Variants in AGPAT5 observed in about 807,000 individuals in gnomAD.
The protein encoded by AGPAT5 is 1-acylglycerol-3-phosphate O-acyltransferase 5.
AGPAT5 carries 46 observed loss-of-function variants against 45.6 expected under a neutral mutation model. The ratio of observed to expected loss-of-function variants is 1.01; its 90% CI spans 0.80 to 1.29. The LOEUF (loss-of-function observed/expected upper bound fraction) is 1.29. Among genes scored for constraint, AGPAT5 ranks in the 50% most tolerant of loss-of-function variants. The probability of loss-of-function intolerance (pLI) is 0.00; values close to 1 mark genes in which losing one functional copy is unlikely to be tolerated. For synonymous variants in AGPAT5, 272 were observed against 167.0 expected (o/e 1.63, Z -4.85); for missense variants, 673 against 450.7 (o/e 1.49, Z -4.47).
chr8:6,712,758 C>T (rs1015761170), intron 1 of AGPAT5, among the ~76,000 whole-genome samples: 2 of 152,060 alleles, frequency 1.3e-5, no homozygotes, highest in African/African-American at 2.4e-5. Flanking sequence ...TAGATATATC[C>T]TAAATGTTGA....
At chr8:6,740,106 A>G (rs80060581) in intron 4 of AGPAT5, among the ~76,000 whole-genome samples, 4,098 of 152,242 alleles carry the variant, frequency 0.027, 120 homozygotes, top group African/African-American at 0.068. Context: ...TTAGCTGTGA[A>G]TGAATTCATG....
intron 2 of AGPAT5, among the ~76,000 whole-genome samples, chr8:6,727,531 A>G (rs2116887767): frequency 6.6e-6 from 1 of 151,946 alleles, no homozygotes; most frequent in East Asian, 1.9e-4. Context: ...ACAGACATGC[A>G]CCACCACGCC....
intron 4 of AGPAT5, chr8:6,738,558 C>G (rs1431490148): frequency 2.0e-5 from 3 of 152,108 alleles, no homozygotes; most frequent in African/African-American, 7.2e-5. Context: ...GAGGTGAGCA[C>G]ATACTGTTGG....
intron 1 of AGPAT5, among the ~76,000 whole-genome samples, chr8:6,710,458 T>C (rs1191125257): frequency 6.6e-6 from 1 of 152,260 alleles, no homozygotes; most frequent in Non-Finnish European, 1.5e-5. Context: ...TAATTCAAAA[T>C]TTTGTTTAAT....
At chr8:6,726,771 C>A (rs753669631) in intron 2 of AGPAT5, among the ~76,000 whole-genome samples, 11 of 152,176 alleles carry the variant, frequency 7.2e-5, no homozygotes, top group African/African-American at 2.7e-4. Flanking sequence ...CTTCACCCTA[C>A]CTCCGAGTGC....
At chr8:6,721,877 A>C (rs934196755) in intron 1 of AGPAT5, among the ~76,000 whole-genome samples, 1 of 152,114 alleles carries the variant, frequency 6.6e-6, no homozygotes, top group African/African-American at 2.4e-5. Context: ...TATTTTAAAG[A>C]GACAGGGGTC....
intron 4 of AGPAT5, among the ~76,000 whole-genome samples, chr8:6,738,850 T>C (rs961952963): frequency 7.2e-5 from 11 of 152,306 alleles, no homozygotes; most frequent in African/African-American, 2.2e-4. Flanking sequence ...TTTTTTTCTC[T>C]CATAATTTCC....
At chr8:6,754,982 C>T (rs1801784158) in intron 6 of AGPAT5, 69 bp from the exon 7 acceptor site, 2 of 1,294,196 alleles carry the variant, frequency 1.5e-6, no homozygotes, top group Non-Finnish European at 2.0e-6. Flanking sequence ...ACCTTATTTT[C>T]ATTTTTACTT....
chr8:6,728,646 C>G (rs1394610940), intron 2 of AGPAT5, among the ~76,000 whole-genome samples: 1 of 151,690 alleles, frequency 6.6e-6, no homozygotes, highest in African/African-American at 2.4e-5. Flanking sequence ...AAAATTATTG[C>G]AGGAAAAAAT....
In AGPAT5 at chr8:6,745,975, C is replaced by G. The variant is rs147172102; in HGVS notation, c.587-1695C>G. ...CTTTCTTCCTTCTTTCTTTCGCTCT[C>G]TCTCCCTTCCTTCTTTTCTTTCCCT... On this transcript the variant is annotated intron_variant, in intron 5 of 7. Transcript: ENST00000285518. The G allele has an allele frequency of 3.8e-3, 578 of 151,370 alleles. 5 individuals are homozygous for G. The highest frequency in any genetic ancestry group is 2.7e-3 in the East Asian group (14 of 5,134). The allele number at this position is 151,370 out of a possible 1,614,324, so 9.4% of individuals were successfully genotyped here. A position where few individuals can be genotyped will look rare whatever the true frequency, so the allele number is the denominator to read the frequency against.
Position 6,708,858 on chromosome 8 carries a change from T to C in AGPAT5, c.190T>C (p.Phe64Leu). 2 of 1,609,046 alleles carry C rather than the reference T, an allele frequency of 1.2e-6. No homozygotes were observed. Among genetic ancestry groups the C allele is most frequent in the Non-Finnish European group, 1.7e-6 (2 of 1,178,146 alleles). ...CTGCGTCTACCAGAGCATGGTGCTC[T>C]TCTTCTTCGAGAATTACACCGGGGT... ...LYCVYQSMVL[F>L]FFENYTGVQI... Residue 64 changes from phenylalanine to leucine, a missense_variant, in exon 1 of 8, where the codon TTC becomes CTC. Phe to Leu is a conservative substitution (Grantham distance 22, BLOSUM62 0). Transcript: ENST00000285518.
chr8:6,713,892 T>A (rs1800237433), intron 1 of AGPAT5, among the ~76,000 whole-genome samples: 1 of 152,246 alleles, frequency 6.6e-6, no homozygotes. Context: ...CAAGGCTTTT[T>A]ATCTAGAGAA....
chr8:6,752,013 C>A (rs149021514), intron 6 of AGPAT5, among the ~76,000 whole-genome samples: 1,800 of 151,808 alleles, frequency 0.012, 35 homozygotes, highest in African/African-American at 0.038. Flanking sequence ...CCCATCTCTA[C>A]TAAAAATACA....
intron 1 of AGPAT5, among the ~76,000 whole-genome samples, chr8:6,710,880 T>C (rs1800133758): frequency 6.6e-6 from 1 of 152,210 alleles, no homozygotes; most frequent in East Asian, 1.9e-4. Context: ...GATTAAAATT[T>C]TTAGCTTGCT....
chr8:6,748,667 A>T (rs1801558659), intron 6 of AGPAT5, among the ~76,000 whole-genome samples: 1 of 152,042 alleles, frequency 6.6e-6, no homozygotes, highest in African/African-American at 2.4e-5. Flanking sequence ...ACCATGCATG[A>T]CTAATATTTG....
At chr8:6,723,155 C>T (rs944857569) in intron 1 of AGPAT5, among the ~76,000 whole-genome samples, 1 of 152,134 alleles carries the variant, frequency 6.6e-6, no homozygotes, top group African/African-American at 2.4e-5. Context: ...GCTTTGCCTA[C>T]TGGTGACAAA....
intron 6 of AGPAT5, among the ~76,000 whole-genome samples, chr8:6,753,849 G>C (rs537732322): frequency 6.6e-6 from 1 of 152,106 alleles, no homozygotes; most frequent in Non-Finnish European, 1.5e-5. Flanking sequence ...AAGAATACAG[G>C]GTATTTTTGA....
chr8:6,744,759 C>T (rs1172008180), intron 5 of AGPAT5, among the ~76,000 whole-genome samples: 1 of 152,202 alleles, frequency 6.6e-6, no homozygotes, highest in Non-Finnish European at 1.5e-5. Context: ...TTTCCTTGGC[C>T]CTTCTGCAGC....
intron 5 of AGPAT5, chr8:6,746,182 C>G (rs533869869): frequency 6.6e-6 from 1 of 152,372 alleles, no homozygotes; most frequent in Non-Finnish European, 1.5e-5. Context: ...CCACCGCGCC[C>G]GGCTCCGTGT....
Sources: allele counts gnomAD v4.1 joint callset (sites outside exome capture counted in the v4.1 genomes callset), GRCh38; gene constraint gnomAD v4.1.1; transcripts MANE v1.5; gene names NCBI Gene and HGNC (gene_info 2026-07-23, HGNC 2026-07-21).